The following SLC2A9 variants were observed in gnomAD, a reference collection of about 807,000 sequenced individuals.
SLC2A9 encodes the protein solute carrier family 2, facilitated glucose transporter member 9.
SLC2A9 carries 39 observed loss-of-function variants against 50.6 expected under a neutral mutation model. The observed-to-expected ratio is 0.77, with a 90% CI of 0.60 to 1.01. The LOEUF is 1.01. Ranked by LOEUF, SLC2A9 falls within the 50% of genes least tolerant of loss-of-function variation. The probability of loss-of-function intolerance (pLI) is 0.00; values close to 1 mark genes in which losing one functional copy is unlikely to be tolerated. For synonymous variants in SLC2A9, 324 were observed against 276.9 expected (o/e 1.17, Z -1.69); for missense variants, 686 against 677.6 (o/e 1.01, Z -0.14).
intron 1 of SLC2A9, chr4:10,040,029 C>T (rs1203734319): frequency 6.6e-6 from 1 of 152,670 alleles, no homozygotes; most frequent in East Asian, 1.9e-4. Flanking sequence ...TCCACTTTGC[C>T]CACACACCTT....
chr4:9,880,630 T>C, intron 10 of SLC2A9: 1 of 925,458 alleles, frequency 1.1e-6, no homozygotes, highest in Non-Finnish European at 1.3e-6. Flanking sequence ...CCAATCTGGC[T>C]TGTTTGTGTG....
At chr4:10,017,718 C>G (rs1762853165) in intron 2 of SLC2A9, among the ~76,000 whole-genome samples, 1 of 152,170 alleles carries the variant, frequency 6.6e-6, no homozygotes, top group African/African-American at 2.4e-5. Context: ...CTGTCCTCAG[C>G]CTGCTTCCTG....
intron 11 of SLC2A9, among the ~76,000 whole-genome samples, chr4:9,833,699 C>T (rs1265652952): frequency 6.6e-6 from 1 of 152,170 alleles, no homozygotes; most frequent in African/African-American, 2.4e-5. Context: ...ATGTGTTGGG[C>T]TTGGCACTAG....
intron 3 of SLC2A9, among the ~76,000 whole-genome samples, chr4:9,806,979 C>T (rs1442413048): frequency 6.6e-6 from 1 of 152,146 alleles, no homozygotes; most frequent in Non-Finnish European, 1.5e-5. Flanking sequence ...CCTTCTCAGC[C>T]CACTTTTCCA....
chr4:9,952,473 G>A (rs962537621), intron 5 of SLC2A9, among the ~76,000 whole-genome samples: 1 of 152,028 alleles, frequency 6.6e-6, no homozygotes, highest in Non-Finnish European at 1.5e-5. Flanking sequence ...TGTACAGTCT[G>A]CAGAACCATG....
intron 10 of SLC2A9, among the ~76,000 whole-genome samples, chr4:9,855,394 G>C (rs1007967850): frequency 6.6e-6 from 1 of 151,986 alleles, no homozygotes; most frequent in Non-Finnish European, 1.5e-5. Context: ...AAATTCCTAG[G>C]AATAGAGCTA....
intron 8 of SLC2A9, among the ~76,000 whole-genome samples, chr4:9,907,787 T>C (rs1740956823): frequency 6.6e-6 from 1 of 152,122 alleles, no homozygotes; most frequent in South Asian, 2.1e-4. Context: ...AGGAAGGAAA[T>C]ATTCTCTAGA....
At chr4:9,901,701 G>C (rs1305306510) in intron 8 of SLC2A9, among the ~76,000 whole-genome samples, 1 of 151,594 alleles carries the variant, frequency 6.6e-6, no homozygotes, top group Non-Finnish European at 1.5e-5. Flanking sequence ...GGCCCCTCAA[G>C]CGGCAGCCAC....
chr4:9,777,386 A>G (rs1717710184), downstream of SLC2A9, among the ~76,000 whole-genome samples: 2 of 150,860 alleles, frequency 1.3e-5, no homozygotes. Context: ...TTCTTGATAT[A>G]CTTTATCATC....
At chr4:9,818,966 C>CA (rs1253230100) in intron 3 of SLC2A9, among the ~76,000 whole-genome samples, 2 of 151,754 alleles carry the variant, frequency 1.3e-5, no homozygotes, top group South Asian at 2.1e-4. Context: ...ACTAAAAATA[C>CA]AAAAAATGAG....
At chr4:9,774,077 C>T (rs903046321) in intron 1 of SLC2A9, among the ~76,000 whole-genome samples, 7 of 148,512 alleles carry the variant, frequency 4.7e-5, no homozygotes, top group African/African-American at 1.7e-4. Flanking sequence ...TCACTGGAAT[C>T]TCTGCCTCCT....
At chr4:9,938,238 G>T (rs1362839929) in intron 6 of SLC2A9, among the ~76,000 whole-genome samples, 1 of 149,616 alleles carries the variant, frequency 6.7e-6, no homozygotes, top group African/African-American at 2.5e-5. Context: ...AATTTTCTGT[G>T]TCTCCAACCC....
At chr4:9,978,606 CTTTAG>C (rs1393875302) in intron 5 of SLC2A9, among the ~76,000 whole-genome samples, 2 of 152,170 alleles carry the variant, frequency 1.3e-5, no homozygotes, top group Admixed American at 6.5e-5. Context: ...AAAAGAGTCT[CTTTAG>C]TTTGGAACCT....
intron 3 of SLC2A9, chr4:9,782,351 C>A (rs761938234): frequency 1.7e-5 from 28 of 1,613,922 alleles, no homozygotes; most frequent in Non-Finnish European, 2.4e-5. Flanking sequence ...CGGTTACTGG[C>A]CCTTTGGAGC....
chr4:9,956,756 C>T (rs1026934709), intron 5 of SLC2A9, among the ~76,000 whole-genome samples: 1 of 113,598 alleles, frequency 8.8e-6, no homozygotes, highest in Non-Finnish European at 1.8e-5. Context: ...GTATTGGGTA[C>T]CGAAAAATTT....
chr4:10,021,660 C>A (rs1353499084), upstream of SLC2A9, among the ~76,000 whole-genome samples: 1 of 151,314 alleles, frequency 6.6e-6, no homozygotes, highest in East Asian at 2.0e-4. Context: ...TCCAGGATTG[C>A]CACCCAGGGG....
At chr4:9,789,455 C>T (rs768520459) in intron 3 of SLC2A9, among the ~76,000 whole-genome samples, 1 of 152,122 alleles carries the variant, frequency 6.6e-6, no homozygotes, top group Non-Finnish European at 1.5e-5. Context: ...GTGTGGGAAG[C>T]TACTAGGGAT....
At chr4:9,997,343 G>A (rs1003825798) in intron 2 of SLC2A9, among the ~76,000 whole-genome samples, 5 of 152,156 alleles carry the variant, frequency 3.3e-5, no homozygotes, top group African/African-American at 7.2e-5. Flanking sequence ...AGCTTATGAT[G>A]AGCTTCATAG....
chr4:9,925,977 C>A (rs898770106), intron 6 of SLC2A9, among the ~76,000 whole-genome samples: 2 of 152,114 alleles, frequency 1.3e-5, no homozygotes, highest in Non-Finnish European at 2.9e-5. Context: ...GACACTGATG[C>A]ATCTGGGGGT....
Sources: allele counts gnomAD v4.1 joint callset (sites outside exome capture counted in the v4.1 genomes callset), GRCh38; gene constraint gnomAD v4.1.1; transcripts MANE v1.5; gene names NCBI Gene and HGNC (gene_info 2026-07-23, HGNC 2026-07-21).